Variants in EIF3M observed in about 807,000 individuals in gnomAD.
EIF3M encodes eukaryotic translation initiation factor 3 subunit M.
A neutral mutation model predicts 49.7 loss-of-function variants in EIF3M; 25 were observed. That is an observed-to-expected ratio of 0.50 (90% CI 0.37 to 0.70). The LOEUF (loss-of-function observed/expected upper bound fraction) is 0.70, where lower values mean the gene tolerates loss of function less well. EIF3M is among the 30% of genes least tolerant of loss of function. The pLI is 0.00. For synonymous variants in EIF3M, 156 were observed against 149.8 expected (o/e 1.04, Z -0.30); for missense variants, 350 against 440.0 (o/e 0.80, Z 1.83).
At chr11:32,588,388 G>GAAAAA (rs71463359) in intron 2 of EIF3M, among the ~76,000 whole-genome samples, 5 of 93,052 alleles carry the variant, frequency 5.4e-5, no homozygotes, top group East Asian at 9.3e-4. Context: ...GACTTCATCT[G>GAAAAA]AAAAAAAAAA....
In EIF3M at chr11:32,603,662, ATC is replaced by A. The variant is rs1855306913; in HGVS notation, c.*1266_*1267del. On this transcript the variant is annotated 3_prime_UTR_variant, in exon 11 of 11. Transcript: ENST00000531120. ...ACTCCCTTTTATGGATGTTTGATAT[ATC>A]TCCTACTACTGAATGTTTGTTTCCA... is the stretch of plus-strand genomic sequence containing the variant. 1 of 152,170 alleles carries A rather than the reference ATC, an allele frequency of 6.6e-6. No homozygotes were observed. The highest frequency in any genetic ancestry group is 2.4e-5 in the African/African-American group (1 of 41,420). 9.4% of individuals were successfully genotyped at this position (152,170 alleles called of 1,614,324 possible). A position where few individuals can be genotyped will look rare whatever the true frequency, so the allele number is the denominator to read the frequency against.
intron 5 of EIF3M, chr11:32,592,129 A>G (rs1855112295): frequency 8.8e-6 from 3 of 341,898 alleles, no homozygotes; most frequent in African/African-American, 6.5e-5. Context: ...CCCCAGCACC[A>G]TATCCTCCTC....
chr11:32,598,312 CAAT>C (rs1855210557), intron 8 of EIF3M, among the ~76,000 whole-genome samples: 3 of 152,092 alleles, frequency 2.0e-5, no homozygotes, highest in Admixed American at 2.0e-4. Flanking sequence ...AGAAATTGCT[CAAT>C]GATGCACTTT....
Position 32,588,609 on chromosome 11 carries a change from T to A in EIF3M, c.191T>A (p.Met64Lys). 21 of 1,612,472 alleles carry A rather than the reference T, an allele frequency of 1.3e-5. No homozygotes were observed. The highest frequency in any genetic ancestry group is 1.8e-5 in the Non-Finnish European group (21 of 1,179,172). ...KEDDKDVESV[M>K]NSVVSLLLIL... ...ACTTGTGTAGATGTTGAAAGTGTGA[T>A]GAACAGTGTGGTATCCCTACTCTTG... Residue 64 changes from methionine to lysine, a missense_variant, in exon 3 of 11, where the codon ATG becomes AAG. Coordinates refer to ENST00000531120, the MANE Select transcript of EIF3M (RefSeq NM_006360.6).
chr11:32,590,518 T>A (rs910179584), intron 5 of EIF3M, among the ~76,000 whole-genome samples: 1 of 152,096 alleles, frequency 6.6e-6, no homozygotes, highest in African/African-American at 2.4e-5. Flanking sequence ...CACCCTTAGT[T>A]GAAAGTAAGG....
intron 8 of EIF3M, among the ~76,000 whole-genome samples, chr11:32,597,870 T>C (rs1855203850): frequency 6.6e-6 from 1 of 152,186 alleles, no homozygotes; most frequent in Non-Finnish European, 1.5e-5. Flanking sequence ...ACGATACAGA[T>C]GAATGTATGG....
chr11:32,602,859 CTTTGGCTGG>C lies in EIF3M; in HGVS notation c.*463_*471del, dbSNP rs1855292641. On this transcript the variant is annotated 3_prime_UTR_variant, in exon 11 of 11. Coordinates refer to ENST00000531120, the MANE Select transcript of EIF3M (RefSeq NM_006360.6). ...CCAACGTCTCTTCTGCTTTTCTTTTCTTTGGCTGGTTGTCATTTTCTAAACTTAGTAAAT... is the reference window on the plus strand; with the variant it reads ...CCAACGTCTCTTCTGCTTTTCTTTTCTTGTCATTTTCTAAACTTAGTAAAT... The C allele has an allele frequency of 6.2e-7, 1 of 1,604,590 alleles. No homozygotes were observed.
intron 8 of EIF3M, among the ~76,000 whole-genome samples, chr11:32,600,351 TG>T (rs146177885): frequency 0.029 from 4,434 of 151,980 alleles, 201 homozygotes; most frequent in African/African-American, 0.1. Flanking sequence ...TCTTATGAAA[TG>T]TACTTTGTAG....
chr11:32,594,809 C>A, intron 6 of EIF3M, 105 bp from the exon 7 acceptor site: 2 of 913,172 alleles, frequency 2.2e-6, no homozygotes, highest in Non-Finnish European at 1.6e-6. Context: ...ATGTTTTGGA[C>A]TGTTAGATAT....
chr11:32,588,008 T>A lies in EIF3M; in HGVS notation c.176-586T>A, dbSNP rs537575006. Among the ~76,000 whole-genome samples, 4 of 152,348 alleles carry A rather than the reference T, an allele frequency of 2.6e-5. No individual in the cohort carries two copies. In the South Asian group the frequency reaches 8.3e-4, roughly 32 times the overall value. ...AAGAAAGTATCCTAGTCCTAAATCA[T>A]ACCAGTAACTTCCAAATGATTGAAT... On this transcript the variant is annotated intron_variant, in intron 2 of 10. Coordinates refer to ENST00000531120, the MANE Select transcript of EIF3M (RefSeq NM_006360.6).
chr11:32,597,582 T>A (rs1170819869), intron 8 of EIF3M, among the ~76,000 whole-genome samples: 2 of 152,242 alleles, frequency 1.3e-5, no homozygotes, highest in African/African-American at 4.8e-5. Context: ...ATCTTATTCA[T>A]CCTTATTGAG....
rs889768546 is a variant in EIF3M, at chr11:32,604,584, A to G, written c.*2185A>G. 2.0e-5 allele frequency: 3 copies of G among 152,154 alleles called. No homozygotes were observed. Among genetic ancestry groups the G allele is most frequent in the Admixed American group, 6.5e-5 (1 of 15,276 alleles). 9.4% of individuals were successfully genotyped at this position (152,154 alleles called of 1,614,324 possible). A position where few individuals can be genotyped will look rare whatever the true frequency, so the allele number is the denominator to read the frequency against. On this transcript the variant is annotated 3_prime_UTR_variant, in exon 11 of 11. Transcript: ENST00000531120. ...TCATATTTTTATTGGTTTATATGCT[A>G]TGTTAAACATTTTTAGCATTTCCTC... is the stretch of plus-strand genomic sequence containing the variant.
intron 1 of EIF3M, among the ~76,000 whole-genome samples, chr11:32,586,138 A>G (rs1854993578): frequency 1.3e-5 from 2 of 152,148 alleles, no homozygotes; most frequent in Admixed American, 6.5e-5. Context: ...CTGAGGCTGG[A>G]GAATCATTTG....
rs201237922 is a variant in EIF3M at position 32,583,905 on chromosome 11, C to T, written c.18C>T (p.Phe6=). 29 of 1,613,896 alleles carry T rather than the reference C, an allele frequency of 1.8e-5. No homozygotes were observed. The East Asian group carries it at 2.7e-4, about 15-fold the overall frequency. MSVPA[F]IDISEEDQAA... is the part of the protein sequence containing the mutation. The stretch of plus-strand genomic sequence containing the variant: ...CCTGCACCATGAGCGTCCCGGCCTT[C>T]ATCGACATCAGTGAAGAAGATCAGG... Residue 6 remains phenylalanine, a synonymous_variant, in exon 1 of 11, where the codon TTC becomes TTT. Coordinates refer to ENST00000531120, the MANE Select transcript of EIF3M (RefSeq NM_006360.6).
chr11:32,594,886 G>T, intron 6 of EIF3M, 28 bp from the exon 7 acceptor site: 1 of 1,586,836 alleles, frequency 6.3e-7, no homozygotes, highest in South Asian at 1.2e-5. Flanking sequence ...TCAAAACCCT[G>T]AGCTTACATT....
chr11:32,586,070 A>G (rs2133192092), intron 1 of EIF3M, among the ~76,000 whole-genome samples: 1 of 152,302 alleles, frequency 6.6e-6, no homozygotes. Flanking sequence ...CCTCTACTAA[A>G]AATACAAAAT....
At chr11:32,593,791 C>T in intron 5 of EIF3M, 75 bp from the exon 6 acceptor site, 4 of 1,040,492 alleles carry the variant, frequency 3.8e-6, no homozygotes, top group Non-Finnish European at 4.0e-6. Flanking sequence ...AGCACAGTAC[C>T]TGCCTCTTAA....
intron 5 of EIF3M, chr11:32,592,315 T>A (rs2133197924): frequency 1.9e-6 from 1 of 539,550 alleles, no homozygotes; most frequent in South Asian, 1.5e-5. Flanking sequence ...ATCATGATCA[T>A]CAAAAGTTAC....
rs1187812370 is a variant in EIF3M at position 32,592,150 on chromosome 11, G to A, written c.534-1716G>A. The stretch of plus-strand genomic sequence containing the variant: ...CACCATATCCTCCTCTTCCACCAGA[G>A]TTTCTACCCATGGCCAAAACTACCA... On this transcript the variant is annotated intron_variant, in intron 5 of 10. Transcript: ENST00000531120. 7 of 346,462 alleles carry A rather than the reference G, an allele frequency of 2.0e-5. No individual in the cohort carries two copies. The East Asian group carries it at 5.3e-4, about 26-fold the overall frequency. 21.5% of individuals were successfully genotyped at this position (346,462 alleles called of 1,614,324 possible). A position where few individuals can be genotyped will look rare whatever the true frequency, so the allele number is the denominator to read the frequency against.
Sources: allele counts gnomAD v4.1 joint callset (sites outside exome capture counted in the v4.1 genomes callset), GRCh38; gene constraint gnomAD v4.1.1; transcripts MANE v1.5; gene names NCBI Gene and HGNC (gene_info 2026-07-23, HGNC 2026-07-21).